Variants in DMD observed in about 807,000 individuals in gnomAD.
The protein encoded by DMD is dystrophin.
Under a neutral mutation model 330.1 loss-of-function variants are expected in DMD, and 63 were observed. The ratio of observed to expected loss-of-function variants is 0.19; its 90% CI spans 0.16 to 0.24. The LOEUF (loss-of-function observed/expected upper bound fraction) is 0.24, where lower values mean the gene tolerates loss of function less well. Among genes scored for constraint, DMD ranks in the 10% least tolerant of loss-of-function variants. DMD has a pLI of 1.00. For missense variants in DMD, 3,344 were observed against 2,684.1 expected (o/e 1.25, Z -5.43); for synonymous variants, 1,223 against 959.8 (o/e 1.27, Z -5.07).
intron 18 of DMD, among the ~76,000 whole-genome samples, chrX:32,506,328 T>A (rs1339271566): frequency 9.3e-6 from 1 of 107,432 alleles, no homozygotes; most frequent in African/African-American, 3.4e-5. Context: ...GCTGTGAACC[T>A]ATAATTACTC....
chrX:31,784,723 G>A (rs918387668), intron 50 of DMD, among the ~76,000 whole-genome samples: 81 of 111,566 alleles, frequency 7.3e-4, no homozygotes, highest in African/African-American at 2.5e-3. Flanking sequence ...TTTATCATGA[G>A]GATAAATAAT....
chrX:32,734,702 C>A (rs973321758), intron 7 of DMD, among the ~76,000 whole-genome samples: 2 of 109,802 alleles, frequency 1.8e-5, no homozygotes, highest in Non-Finnish European at 3.8e-5. Flanking sequence ...AGGCCTTTGA[C>A]AAAATTCAAC....
chrX:31,347,018 AAAAAAAAAAAAAAAAAAAG>A (rs1316514334), intron 61 of DMD, among the ~76,000 whole-genome samples: 12 of 83,372 alleles, frequency 1.4e-4, no homozygotes, highest in South Asian at 1.1e-3. Context: ...AAAAAAAAAA[AAAAAAAAAAAAAAAAAAAG>A]GAAGGATGCA....
chrX:33,030,411 G>A (rs894515322), intron 1 of DMD, among the ~76,000 whole-genome samples: 1 of 111,991 alleles, frequency 8.9e-6, no homozygotes, highest in Admixed American at 9.5e-5. Flanking sequence ...TAAGTTTTTA[G>A]TAATAATGGA....
intron 9 of DMD, among the ~76,000 whole-genome samples, chrX:32,674,213 T>C: frequency 8.9e-6 from 1 of 111,849 alleles, no homozygotes; most frequent in South Asian, 3.7e-4. Flanking sequence ...GGATGTGCCC[T>C]TCTAACTTTT....
chrX:31,172,269 C>A (rs1181831449), intron 73 of DMD, 79 bp downstream of exon 73: 12 of 687,615 alleles, frequency 1.7e-5, no homozygotes, highest in Non-Finnish European at 2.8e-5. Flanking sequence ...ATTCCTATAT[C>A]CTGTGCTATC....
intron 52 of DMD, among the ~76,000 whole-genome samples, chrX:31,728,318 C>A (rs1222815346): frequency 8.9e-6 from 1 of 112,359 alleles, no homozygotes; most frequent in Non-Finnish European, 1.9e-5. Flanking sequence ...AGCCACCGCG[C>A]CCGGCCGAGT....
intron 44 of DMD, among the ~76,000 whole-genome samples, chrX:32,075,603 C>G (rs902798131): frequency 9.0e-6 from 1 of 111,530 alleles, no homozygotes; most frequent in African/African-American, 3.3e-5. Flanking sequence ...TACAGATTCT[C>G]AATTCTGTAC....
intron 55 of DMD, among the ~76,000 whole-genome samples, chrX:31,540,863 C>T (rs1053831598): frequency 1.8e-5 from 2 of 111,824 alleles, no homozygotes; most frequent in Non-Finnish European, 3.8e-5. Context: ...GCTAAAATGC[C>T]GAGTCTGGAA....
intron 55 of DMD, among the ~76,000 whole-genome samples, 190 bp from the exon 56 acceptor site, chrX:31,507,643 T>C (rs1016509780): frequency 1.8e-5 from 2 of 112,593 alleles, no homozygotes; most frequent in Non-Finnish European, 3.7e-5. Flanking sequence ...TGTTATTATG[T>C]AGATTTAAAA....
At chrX:32,990,201 T>G (rs1335677261) in intron 2 of DMD, among the ~76,000 whole-genome samples, 1 of 111,229 alleles carries the variant, frequency 9.0e-6, no homozygotes, top group Non-Finnish European at 1.9e-5. Context: ...AACTTAAGAG[T>G]TTTTGAGGTA....
chrX:31,466,467 A>G (rs768193091), intron 59 of DMD, among the ~76,000 whole-genome samples: 4 of 111,863 alleles, frequency 3.6e-5, no homozygotes, highest in Non-Finnish European at 5.6e-5. Context: ...GTCAAAGATC[A>G]GATGGTTGTA....
At chrX:33,022,092 C>A (rs760028452) in intron 1 of DMD, among the ~76,000 whole-genome samples, 9 of 111,315 alleles carry the variant, frequency 8.1e-5, no homozygotes, top group African/African-American at 2.9e-4. Flanking sequence ...AAGTAAATGA[C>A]CTTATTTGCA....
chrX:32,421,688 C>G (rs2098190450), intron 29 of DMD, among the ~76,000 whole-genome samples: 1 of 111,622 alleles, frequency 9.0e-6, no homozygotes, highest in African/African-American at 3.3e-5. Flanking sequence ...ATGTCCTCAC[C>G]CCACAATGGC....
chrX:32,162,432 T>C (rs991326025), intron 44 of DMD, among the ~76,000 whole-genome samples: 1 of 110,826 alleles, frequency 9.0e-6, no homozygotes, highest in African/African-American at 3.3e-5. Context: ...TATCCTTATG[T>C]TCTTGCTGTA....
At chrX:32,586,979 T>G (rs137986396) in intron 13 of DMD, among the ~76,000 whole-genome samples, 1,597 of 111,700 alleles carry the variant, frequency 0.014, 10 homozygotes, top group Middle Eastern at 0.028. Context: ...TTAAATGCAT[T>G]TAATTCACCA....
At chrX:31,716,039 TAAC>T (rs1264286302) in intron 52 of DMD, among the ~76,000 whole-genome samples, 1 of 111,676 alleles carries the variant, frequency 9.0e-6, no homozygotes, top group Non-Finnish European at 1.9e-5. Context: ...TATAAAGGAG[TAAC>T]CGTTTGATGC....
intron 1 of DMD, among the ~76,000 whole-genome samples, chrX:33,315,072 G>A (rs1041359903): frequency 1.8e-5 from 2 of 111,788 alleles, no homozygotes; most frequent in African/African-American, 6.5e-5. Flanking sequence ...ACCCGCCTCA[G>A]CCTCCCAAAG....
chrX:31,822,657 T>G (rs1023953495), intron 49 of DMD, among the ~76,000 whole-genome samples: 14 of 87,096 alleles, frequency 1.6e-4, no homozygotes, highest in African/African-American at 5.1e-4. Context: ...CAGAGGGGTG[T>G]GTGTGTGTGT....
Sources: allele counts gnomAD v4.1 joint callset (sites outside exome capture counted in the v4.1 genomes callset), GRCh38; gene constraint gnomAD v4.1.1; transcripts MANE v1.5; gene names NCBI Gene and HGNC (gene_info 2026-07-23, HGNC 2026-07-21).